Variants in RAB5C observed in about 807,000 individuals in gnomAD.
RAB5C encodes ras-related protein Rab-5C.
RAB5C carries 4 observed loss-of-function variants against 25.2 expected under a neutral mutation model. The observed-to-expected ratio is 0.16, with a 90% CI of 0.08 to 0.36. RAB5C has a LOEUF of 0.36. Ranked by LOEUF, RAB5C falls within the 10% of genes least tolerant of loss-of-function variation. The pLI is 1.00. For missense variants in RAB5C, 199 were observed against 283.8 expected (o/e 0.70, Z 2.15); for synonymous variants, 100 against 106.4 (o/e 0.94, Z 0.37).
intron 1 of RAB5C, among the ~76,000 whole-genome samples, chr17:42,151,006 A>G (rs1481129963): frequency 6.6e-6 from 1 of 152,212 alleles, no homozygotes; most frequent in Non-Finnish European, 1.5e-5. Flanking sequence ...ACACAGGCTC[A>G]GTGAGGTCAA....
intron 5 of RAB5C, 120 bp downstream of exon 5, chr17:42,126,631 CAAAA>C (rs71357528): frequency 8.4e-3 from 705 of 84,186 alleles, no homozygotes; most frequent in South Asian, 0.013. Flanking sequence ...GACTCCATCT[CAAAA>C]AAAAAAAAAA....
At chr17:42,131,511 A>C in intron 1 of RAB5C, 1 of 1,271,612 alleles carries the variant, frequency 7.9e-7, no homozygotes, top group Non-Finnish European at 1.1e-6. Context: ...CCAAAACAAA[A>C]CACACACCGA....
chr17:42,143,125 C>T (rs1486682739), intron 1 of RAB5C, among the ~76,000 whole-genome samples: 2 of 152,248 alleles, frequency 1.3e-5, no homozygotes, highest in East Asian at 3.9e-4. Flanking sequence ...GGATTAACTC[C>T]CAGGACTGCA....
At chr17:42,126,474 T>G in intron 5 of RAB5C, 1 of 211,422 alleles carries the variant, frequency 4.7e-6, no homozygotes, top group Non-Finnish European at 9.6e-6. Context: ...CTACCAAAAA[T>G]ACAAAAAATT....
chr17:42,150,176 C>T (rs1348580463), intron 1 of RAB5C, among the ~76,000 whole-genome samples: 1 of 151,950 alleles, frequency 6.6e-6, no homozygotes, highest in Admixed American at 6.6e-5. Context: ...TGATCCACCA[C>T]ACCTGGCCCC....
At chr17:42,143,756 T>C (rs911424829) in intron 1 of RAB5C, among the ~76,000 whole-genome samples, 3 of 152,192 alleles carry the variant, frequency 2.0e-5, no homozygotes, top group Non-Finnish European at 4.4e-5. Flanking sequence ...CTGAAACATT[T>C]TGGGCAATAA....
At chr17:42,148,642 A>G (rs896567700) in intron 1 of RAB5C, among the ~76,000 whole-genome samples, 1 of 152,250 alleles carries the variant, frequency 6.6e-6, no homozygotes, top group Non-Finnish European at 1.5e-5. Context: ...AAGACAGCCC[A>G]TGTAGGAGAC....
At chr17:42,140,217 T>C (rs939278862) in intron 1 of RAB5C, among the ~76,000 whole-genome samples, 1 of 152,094 alleles carries the variant, frequency 6.6e-6, no homozygotes, top group South Asian at 2.1e-4. Context: ...CTTCCCGCCC[T>C]TACAAATAAC....
In RAB5C at chr17:42,127,024, A is replaced by G. The variant is rs543319699; in HGVS notation, c.442-176T>C. Among the ~76,000 whole-genome samples the G allele has an allele frequency of 3.7e-4, 57 of 152,314 alleles. 1 individual carries two copies. In the South Asian group the frequency reaches 0.011, roughly 30 times the overall value. ...CTGATCTGGGTTTCCCCGCTCATGT[A>G]TATCACCTCTCAGCTCACAATCACT... On this transcript the variant is annotated intron_variant, in intron 4 of 5. Coordinates refer to ENST00000346213, the MANE Select transcript of RAB5C (RefSeq NM_004583.4).
At chr17:42,126,467 C>T (rs1488951762) in intron 5 of RAB5C, 1 of 209,376 alleles carries the variant, frequency 4.8e-6, no homozygotes, top group African/African-American at 2.3e-5. Context: ...CCCGTCTCTA[C>T]CAAAAATACA....
chr17:42,145,654 G>A (rs1406556422), intron 1 of RAB5C, among the ~76,000 whole-genome samples: 1 of 152,144 alleles, frequency 6.6e-6, no homozygotes, highest in Non-Finnish European at 1.5e-5. Context: ...GCGTGGTGGT[G>A]CATTTCTGTA....
chr17:42,129,333 G>A (rs780413165), intron 2 of RAB5C, among the ~76,000 whole-genome samples: 3 of 152,102 alleles, frequency 2.0e-5, no homozygotes, highest in Non-Finnish European at 2.9e-5. Flanking sequence ...CTGGGTGGCC[G>A]GCTTCCCAAC....
At position 42,125,342 on chromosome 17, in the gene RAB5C, C is replaced by A. The variant is rs1210010159; in HGVS notation, c.*441G>T. The A allele has an allele frequency of 6.5e-6, 1 of 154,462 alleles. No individual in the cohort carries two copies. The highest frequency in any genetic ancestry group is 6.5e-5 in the Admixed American group (1 of 15,430). 9.6% of individuals were successfully genotyped at this position (154,462 alleles called of 1,614,324 possible). On this transcript the variant is annotated 3_prime_UTR_variant, in exon 6 of 6. Transcript: ENST00000346213. ...AGCCCCTTCCCAAGGTCTGCCCCACCGCCCAAACCAAAGACCACTCCGAAC... is the reference window on the plus strand; with the variant it reads ...AGCCCCTTCCCAAGGTCTGCCCCACAGCCCAAACCAAAGACCACTCCGAAC...
At chr17:42,147,066 GAAAGAA>G (rs1210194798) in intron 1 of RAB5C, among the ~76,000 whole-genome samples, 91 of 139,350 alleles carry the variant, frequency 6.5e-4, no homozygotes, top group Middle Eastern at 3.5e-3. Flanking sequence ...AAGAAAGAAA[GAAAGAA>G]AAAGAAAGAA....
rs931058382 is a variant in RAB5C at position 42,125,667 on chromosome 17, C to T, written c.*116G>A. 3.0e-6 allele frequency: 2 copies of T among 676,080 alleles called. No homozygotes were observed. The highest frequency in any genetic ancestry group is 1.8e-5 in the African/African-American group (1 of 55,980). The allele number at this position is 676,080 out of a possible 1,614,324, so 41.9% of individuals were successfully genotyped here. A position where few individuals can be genotyped will look rare whatever the true frequency, so the allele number is the denominator to read the frequency against. ...AATTATATGGAGAAATCATGGTGGA[C>T]CCCTCCCCCTGCCCCCCCAGTGGTG... On this transcript the variant is annotated 3_prime_UTR_variant, in exon 6 of 6. Coordinates refer to ENST00000346213, the MANE Select transcript of RAB5C (RefSeq NM_004583.4).
At chr17:42,133,290 T>C (rs888163620) in intron 1 of RAB5C, among the ~76,000 whole-genome samples, 7 of 152,002 alleles carry the variant, frequency 4.6e-5, no homozygotes, top group Admixed American at 3.9e-4. Flanking sequence ...GAGATGGTAA[T>C]AGAAAACCAA....
intron 1 of RAB5C, among the ~76,000 whole-genome samples, chr17:42,145,298 G>C (rs1379020792): frequency 6.6e-6 from 1 of 152,152 alleles, no homozygotes; most frequent in Non-Finnish European, 1.5e-5. Context: ...CTTCCAAAGG[G>C]TGCATGCAGC....
intron 1 of RAB5C, among the ~76,000 whole-genome samples, chr17:42,135,011 C>T (rs1356871088): frequency 2.0e-5 from 3 of 146,522 alleles, no homozygotes; most frequent in Non-Finnish European, 3.0e-5. Context: ...GACAGAATCT[C>T]GCTCTCTCAC....
At chr17:42,139,194 G>A (rs1284993886) in intron 1 of RAB5C, among the ~76,000 whole-genome samples, 1 of 151,760 alleles carries the variant, frequency 6.6e-6, no homozygotes, top group Non-Finnish European at 1.5e-5. Context: ...GGCCAGTGTG[G>A]TCGGCCAGTG....
Sources: allele counts gnomAD v4.1 joint callset (sites outside exome capture counted in the v4.1 genomes callset), GRCh38; gene constraint gnomAD v4.1.1; transcripts MANE v1.5; gene names NCBI Gene and HGNC (gene_info 2026-07-23, HGNC 2026-07-21).